CREB5: variants seen among roughly 807,000 people sequenced by gnomAD.
CREB5 encodes cAMP responsive element binding protein 5, also known as cyclic AMP-responsive element-binding protein 5.
Under a neutral mutation model 57.1 loss-of-function variants are expected in CREB5, and 19 were observed. That is an observed-to-expected ratio of 0.33 (90% CI 0.23 to 0.49). The LOEUF (loss-of-function observed/expected upper bound fraction) is 0.49, where lower values mean the gene tolerates loss of function less well. Among genes scored for constraint, CREB5 ranks in the 20% least tolerant of loss-of-function variants. The pLI is 0.99. For synonymous variants in CREB5, 238 were observed against 238.3 expected, an observed-to-expected ratio of 1.00 and a Z score of 0.01; for missense variants, 579 against 671.6, an observed-to-expected ratio of 0.86 and a Z score of 1.52.
rs532111011 is a variant in CREB5 at position 28,524,661 on chromosome 7, C to A, written c.291+16924C>A. 7.2e-5 allele frequency among the ~76,000 whole-genome samples: 11 copies of A among 152,092 alleles called. No homozygotes were observed. The South Asian group carries it at 2.1e-3, about 29-fold the overall frequency. On this transcript the variant is annotated intron_variant, in intron 4 of 10. Transcript: ENST00000357727. Reference sequence around the variant, plus strand: ...TTAGAAATGCTTCTATTCATTCAACCGTTTTTGTGAGTTTTAATTTTTCTT... The same window carrying A: ...TTAGAAATGCTTCTATTCATTCAACAGTTTTTGTGAGTTTTAATTTTTCTT...
At chr7:28,377,867 G>A (rs1305064536) in intron 1 of CREB5, among the ~76,000 whole-genome samples, 1 of 137,662 alleles carries the variant, frequency 7.3e-6, no homozygotes, top group African/African-American at 2.7e-5. Context: ...GAGAGGCGGA[G>A]CTTGCAGTGA....
At chr7:28,408,215 A>G (rs1006287), upstream of CREB5, among the ~76,000 whole-genome samples, 41,243 of 152,020 alleles carry the variant, frequency 0.27, 5,941 homozygotes, top group East Asian at 0.52. Context: ...GTAGAATGGG[A>G]ATAATTATAA....
intron 5 of CREB5, among the ~76,000 whole-genome samples, chr7:28,582,963 G>C (rs974245921): frequency 8.5e-5 from 13 of 152,084 alleles, no homozygotes; most frequent in Admixed American, 7.9e-4. Context: ...TGAAATCTAG[G>C]TGCCATAATA....
chr7:28,313,835 A>G (rs2127982263), intron 1 of CREB5, among the ~76,000 whole-genome samples: 1 of 152,328 alleles, frequency 6.6e-6, no homozygotes, highest in South Asian at 2.1e-4. Context: ...TTTAATAGAC[A>G]TATATCTGAA....
chr7:28,670,456 C>T (rs1002135070), intron 5 of CREB5, among the ~76,000 whole-genome samples: 5 of 152,180 alleles, frequency 3.3e-5, no homozygotes, highest in Non-Finnish European at 7.3e-5. Flanking sequence ...TGTATCTCTC[C>T]GTTAAGACCA....
At chr7:28,729,289 T>G (rs1803487889) in intron 7 of CREB5, among the ~76,000 whole-genome samples, 1 of 152,178 alleles carries the variant, frequency 6.6e-6, no homozygotes, top group African/African-American at 2.4e-5. Context: ...GACCCTGAGC[T>G]TGGGCCTTCA....
At chr7:28,441,573 A>C (rs1029320440) in intron 1 of CREB5, among the ~76,000 whole-genome samples, 1 of 152,154 alleles carries the variant, frequency 6.6e-6, no homozygotes, top group Non-Finnish European at 1.5e-5. Flanking sequence ...TCTTTTCTTG[A>C]TGTTATTGTT....
chr7:28,564,700 G>A (rs928253365), intron 4 of CREB5, among the ~76,000 whole-genome samples: 48 of 152,178 alleles, frequency 3.2e-4, no homozygotes, highest in African/African-American at 7.0e-4. Flanking sequence ...GGTGAAGATC[G>A]TTTGTTTAAA....
rs71532955 is a variant in CREB5, at chr7:28,561,019, T to C, written c.292-9346T>C. Among the ~76,000 whole-genome samples, 6 of 31,348 alleles carry C rather than the reference T, an allele frequency of 1.9e-4. 1 individual carries two copies. Among genetic ancestry groups the C allele is most frequent in the Admixed American group, 1.0e-3 (3 of 2,950 alleles). 20.6% of individuals were successfully genotyped at this position (31,348 alleles called of 152,430 possible). Reference sequence around the variant, plus strand: ...GCCTGCGTGTGCGTGTGTGTGTGCGTGTGTGCGTGTGTGTGTGTGTGTGTG... The same window carrying C: ...GCCTGCGTGTGCGTGTGTGTGTGCGCGTGTGCGTGTGTGTGTGTGTGTGTG... On this transcript the variant is annotated intron_variant, in intron 4 of 10. Coordinates refer to ENST00000357727, the MANE Select transcript of CREB5 (RefSeq NM_182898.4).
chr7:28,377,995 G>A (rs1042022322), intron 1 of CREB5, among the ~76,000 whole-genome samples: 14 of 151,524 alleles, frequency 9.2e-5, no homozygotes, highest in Admixed American at 2.6e-4. Flanking sequence ...GCCCTTTAGG[G>A]CTATTATCTC....
chr7:28,328,441 C>T (rs77511624), intron 1 of CREB5, among the ~76,000 whole-genome samples: 1 of 152,100 alleles, frequency 6.6e-6, no homozygotes, highest in African/African-American at 2.4e-5. Context: ...AAGAGAAAAG[C>T]CTTCAAACAA....
intron 4 of CREB5, among the ~76,000 whole-genome samples, chr7:28,535,876 A>G (rs977950634): frequency 6.6e-6 from 1 of 152,166 alleles, no homozygotes; most frequent in African/African-American, 2.4e-5. Flanking sequence ...AAAAGCCTAC[A>G]TGGTAGAACT....
intron 1 of CREB5, among the ~76,000 whole-genome samples, chr7:28,330,235 A>C (rs1263158780): frequency 2.0e-5 from 3 of 152,116 alleles, no homozygotes; most frequent in Non-Finnish European, 4.4e-5. Flanking sequence ...TGGCTGTGAA[A>C]CGCCAGCTGC....
chr7:28,455,978 G>A (rs777029817), intron 1 of CREB5, among the ~76,000 whole-genome samples: 2 of 152,166 alleles, frequency 1.3e-5, no homozygotes, highest in African/African-American at 2.4e-5. Context: ...AAGTGTTACT[G>A]ACCTGATCAA....
Position 28,680,439 on chromosome 7 carries a change from C to T in CREB5, c.465-38314C>T, listed in dbSNP as rs527312351. On this transcript the variant is annotated intron_variant, in intron 5 of 10. Transcript: ENST00000357727. The stretch of plus-strand genomic sequence containing the variant: ...TGACAACATCATTAGGCTCCAATCC[C>T]GTATAAACTTTTACCCACAAAAGTT... Among the ~76,000 whole-genome samples, 58 of 152,198 alleles carry T rather than the reference C, an allele frequency of 3.8e-4. 2 individuals carry two copies. The highest frequency in any genetic ancestry group is 1.3e-3 in the African/African-American group (56 of 41,520).
In CREB5 at chr7:28,507,641, C is replaced by T. The variant is rs780080880; in HGVS notation, c.195C>T (p.Phe65=). 1.9e-6 allele frequency: 3 copies of T among 1,610,450 alleles called. No homozygotes were observed. The Admixed American group carries it at 5.0e-5, about 27-fold the overall frequency. Residue 65 remains phenylalanine, a synonymous_variant, in exon 4 of 11, where the codon TTC becomes TTT. Transcript: ENST00000357727. ...LSDQTPTPTR[F]LKNCEEVGLF... ...ATCAAACTCCGACCCCAACGAGATT[C>T]CTGAAGAACTGCGAGGAGGTGGGCC...
chr7:28,418,545 G>A (rs1323228560), intron 1 of CREB5, among the ~76,000 whole-genome samples: 4 of 152,088 alleles, frequency 2.6e-5, no homozygotes, highest in Non-Finnish European at 5.9e-5. Flanking sequence ...CCCCTGCAGA[G>A]CCATCTATGT....
intron 5 of CREB5, among the ~76,000 whole-genome samples, chr7:28,656,017 T>A (rs976986411): frequency 2.0e-5 from 3 of 152,186 alleles, no homozygotes; most frequent in Admixed American, 6.5e-5. Context: ...TTCTAAAACA[T>A]TTAAAAAATG....
intron 5 of CREB5, among the ~76,000 whole-genome samples, chr7:28,578,989 T>C (rs540185618): frequency 2.0e-5 from 3 of 152,298 alleles, no homozygotes; most frequent in African/African-American, 7.2e-5. Flanking sequence ...TATATACAGA[T>C]GGAATCCTAT....
Sources: gnomAD v4.1 joint callset for allele counts (sites outside exome capture counted in the v4.1 genomes callset) on GRCh38, gnomAD v4.1.1 for gene constraint, MANE v1.5 for transcripts, NCBI Gene and HGNC (gene_info 2026-07-23, HGNC 2026-07-21) for gene names.